The following ROR2 variants were observed in gnomAD, a reference collection of about 807,000 sequenced individuals.
ROR2 encodes tyrosine-protein kinase transmembrane receptor ROR2.
Under a neutral mutation model 74.9 loss-of-function variants are expected in ROR2, and 33 were observed. The ratio of observed to expected loss-of-function variants is 0.44; its 90% CI spans 0.33 to 0.59. ROR2 has a LOEUF of 0.59. ROR2 is among the 20% of genes least tolerant of loss of function. The probability of loss-of-function intolerance (pLI) is 0.02; values close to 1 mark genes in which losing one functional copy is unlikely to be tolerated. For missense variants in ROR2, 1,216 were observed against 1,313.8 expected (o/e 0.93, Z 1.15); for synonymous variants, 586 against 558.7 (o/e 1.05, Z -0.69).
At chr9:91,824,758 T>A (rs1828233823) in intron 1 of ROR2, among the ~76,000 whole-genome samples, 1 of 151,876 alleles carries the variant, frequency 6.6e-6, no homozygotes, top group Non-Finnish European at 1.5e-5. Flanking sequence ...CACACACAGC[T>A]CTCCCAGGCG....
At chr9:91,945,113 C>A (rs947365251) in intron 1 of ROR2, among the ~76,000 whole-genome samples, 1 of 152,016 alleles carries the variant, frequency 6.6e-6, no homozygotes, top group African/African-American at 2.4e-5. Flanking sequence ...CTACTCAGAT[C>A]CATCTACCAA....
At chr9:91,821,997 C>A (rs991211036) in intron 1 of ROR2, among the ~76,000 whole-genome samples, 2 of 150,958 alleles carry the variant, frequency 1.3e-5, no homozygotes, top group Non-Finnish European at 2.9e-5. Context: ...TATATATATA[C>A]AAAAAAGCCT....
chr9:91,724,730 C>G lies in ROR2; in HGVS notation c.1764G>C (p.Glu588Asp), dbSNP rs201400446. ...DDDRTVKSALEPPDFVHLVAQ... is the reference protein window; with the variant it reads ...DDDRTVKSALDPPDFVHLVAQ... ...CCACAAGGTGCACGAAGTCGGGGGG[C>G]TCCAGGGCGGACTTCACCGTGCGGT... Residue 588 changes from glutamate to aspartate, a missense_variant, in exon 9 of 9, where the codon GAG becomes GAC. Coordinates refer to ENST00000375708, the MANE Select transcript of ROR2 (RefSeq NM_004560.4). 1 of 1,614,164 alleles carries G rather than the reference C, an allele frequency of 6.2e-7. No homozygotes were observed. The highest frequency in any genetic ancestry group is 2.2e-5 in the East Asian group (1 of 44,880).
chr9:91,866,543 G>A (rs576176732), intron 1 of ROR2, among the ~76,000 whole-genome samples: 1 of 150,022 alleles, frequency 6.7e-6, no homozygotes, highest in East Asian at 2.0e-4. Context: ...TCAGCCTCCT[G>A]TGTAGCTGGG....
chr9:91,819,452 CTGTG>C (rs1394966753), intron 1 of ROR2, among the ~76,000 whole-genome samples: 2 of 151,736 alleles, frequency 1.3e-5, no homozygotes, highest in African/African-American at 2.4e-5. Context: ...CTGTGTGTGT[CTGTG>C]TATGTGTCTG....
At chr9:91,789,666 G>A (rs1269861075) in intron 1 of ROR2, among the ~76,000 whole-genome samples, 2 of 151,954 alleles carry the variant, frequency 1.3e-5, no homozygotes, top group African/African-American at 4.8e-5. Context: ...AAGTCACTAA[G>A]AAAATAACCC....
intron 1 of ROR2, among the ~76,000 whole-genome samples, chr9:91,845,486 G>A (rs113773322): frequency 6.4e-4 from 98 of 152,234 alleles, no homozygotes; most frequent in African/African-American, 2.3e-3. Context: ...TTCCCAGTCA[G>A]CACCTTTCAG....
chr9:91,830,063 A>T, intron 1 of ROR2, among the ~76,000 whole-genome samples: 1 of 152,224 alleles, frequency 6.6e-6, no homozygotes, highest in East Asian at 1.9e-4. Context: ...ACTCATATCT[A>T]ATTCAACAAA....
At chr9:91,838,929 C>G (rs946011553) in intron 1 of ROR2, among the ~76,000 whole-genome samples, 2 of 152,002 alleles carry the variant, frequency 1.3e-5, no homozygotes, top group Admixed American at 1.3e-4. Context: ...AGAGAAGTTC[C>G]CGGTGGACTC....
intron 1 of ROR2, among the ~76,000 whole-genome samples, chr9:91,924,187 A>G (rs748828800): frequency 3.3e-5 from 5 of 152,236 alleles, no homozygotes; most frequent in Non-Finnish European, 7.3e-5. Context: ...TTTGTCCTCC[A>G]TGGTAGGTGA....
intron 4 of ROR2, among the ~76,000 whole-genome samples, chr9:91,739,825 C>T (rs1825157337): frequency 6.6e-6 from 1 of 152,188 alleles, no homozygotes; most frequent in Non-Finnish European, 1.5e-5. Flanking sequence ...ACTCTTTTTG[C>T]ACTGGAGTTA....
At chr9:91,946,182 T>C (rs1201903737) in intron 1 of ROR2, among the ~76,000 whole-genome samples, 2 of 152,168 alleles carry the variant, frequency 1.3e-5, no homozygotes, top group Admixed American at 6.5e-5. Flanking sequence ...CCAATAAAAA[T>C]CCAGACCTAG....
chr9:91,937,069 G>A (rs1831719478), intron 1 of ROR2, among the ~76,000 whole-genome samples: 1 of 144,996 alleles, frequency 6.9e-6, no homozygotes, highest in Admixed American at 7.0e-5. Context: ...TTCTACTTTA[G>A]TTTCAGAATA....
chr9:91,736,427 T>G (rs1825027781), intron 5 of ROR2, among the ~76,000 whole-genome samples: 1 of 152,150 alleles, frequency 6.6e-6, no homozygotes, highest in Admixed American at 6.5e-5. Flanking sequence ...GTATCCCCTT[T>G]GCCCCACCAC....
rs1832126588 is a variant in ROR2, at chr9:91,949,897, C to T, written c.67G>A (p.Ala23Thr). The T allele has an allele frequency of 1.3e-6, 2 of 1,540,582 alleles. No individual in the cohort carries two copies. The highest frequency in any genetic ancestry group is 2.8e-5 in the African/African-American group (2 of 71,926). The change falls in exon 1 of 9, where the codon GCG becomes ACG. Residue 23 changes from alanine to threonine, a missense_variant. By Grantham distance (58) the Ala-to-Thr change is moderately conservative. Transcript: ENST00000375708. ...LCIPAVWAAA[A>T]LLLSVSRTSG... The stretch of plus-strand genomic sequence containing the variant: ...GTCCGGGACACTGAGAGCAGAAGCG[C>T]GGCGGCCGCCCAGACGGCCGGGATG...
chr9:91,800,824 T>C (rs544811562), intron 1 of ROR2, among the ~76,000 whole-genome samples: 346 of 152,354 alleles, frequency 2.3e-3, no homozygotes, highest in Admixed American at 4.3e-3. Context: ...AAACACACAC[T>C]GGCTTGCAGA....
chr9:91,812,905 C>T lies in ROR2; in HGVS notation c.98-37087G>A, dbSNP rs183511356. On this transcript the variant is annotated intron_variant, in intron 1 of 8. Transcript: ENST00000375708. ...ATAGCATTAGGCTCTCTACCTGGAG[C>T]CAATGTTTGTGGTTCTTTTTCACAT... 6.7e-4 allele frequency among the ~76,000 whole-genome samples: 102 copies of T among 152,248 alleles called. 1 individual carries two copies. The highest frequency in any genetic ancestry group is 2.4e-4 in the Non-Finnish European group (16 of 68,020).
chr9:91,824,670 C>T (rs1048242761), intron 1 of ROR2, among the ~76,000 whole-genome samples: 23 of 152,180 alleles, frequency 1.5e-4, no homozygotes, highest in African/African-American at 5.6e-4. Context: ...GGAACTCCCC[C>T]ACCCGAGGCA....
chr9:91,900,347 A>C (rs1486899393), intron 1 of ROR2, among the ~76,000 whole-genome samples: 2 of 152,232 alleles, frequency 1.3e-5, no homozygotes, highest in Non-Finnish European at 2.9e-5. Context: ...CTCCCGCACA[A>C]GATGGTCAAT....
Sources: allele counts gnomAD v4.1 joint callset (sites outside exome capture counted in the v4.1 genomes callset), GRCh38; gene constraint gnomAD v4.1.1; transcripts MANE v1.5; gene names NCBI Gene and HGNC (gene_info 2026-07-23, HGNC 2026-07-21).